Variants in DHRS12 observed in about 807,000 individuals in gnomAD.
The protein encoded by DHRS12 is dehydrogenase/reductase SDR family member 12.
In DHRS12, 29 loss-of-function variants were observed where a neutral mutation model predicts 32.1. The observed-to-expected ratio is 0.90, with a 90% CI of 0.67 to 1.23. DHRS12 has a LOEUF of 1.23. Ranked by LOEUF, DHRS12 falls within the 50% of genes most tolerant of loss-of-function variation. The pLI, the probability that DHRS12 is intolerant of heterozygous loss-of-function variation, is 0.00. For synonymous variants in DHRS12, 150 were observed against 135.9 expected, an observed-to-expected ratio of 1.10 and a Z score of -0.72; for missense variants, 330 against 337.2, an observed-to-expected ratio of 0.98 and a Z score of 0.17.
chr13:51,777,234 A>G, intron 4 of DHRS12, 113 bp from the exon 5 acceptor site: 1 of 1,148,152 alleles, frequency 8.7e-7, no homozygotes, highest in South Asian at 1.3e-5. Flanking sequence ...CAAGAGGGCA[A>G]GTGGCCACCT....
intron 6 of DHRS12, among the ~76,000 whole-genome samples, chr13:51,773,582 C>T (rs1040354671): frequency 6.6e-6 from 1 of 152,076 alleles, no homozygotes; most frequent in East Asian, 1.9e-4. Context: ...TCCGGGAAGC[C>T]AAGAGCCGCC....
intron 4 of DHRS12, among the ~76,000 whole-genome samples, chr13:51,780,259 G>A (rs1201830738): frequency 6.6e-6 from 1 of 152,164 alleles, no homozygotes; most frequent in Non-Finnish European, 1.5e-5. Context: ...TGGTTAATGG[G>A]TGCTTTTAGT....
chr13:51,758,715 A>G, the DHRS12 span, among the ~76,000 whole-genome samples: 1 of 152,192 alleles, frequency 6.6e-6, no homozygotes, highest in African/African-American at 2.4e-5. Context: ...GGACAGACTA[A>G]AAAGACTGTA....
intron 4 of DHRS12, among the ~76,000 whole-genome samples, chr13:51,787,868 AATATATAATT>A (rs1455230153): frequency 2.6e-5 from 3 of 114,284 alleles, no homozygotes; most frequent in African/African-American, 7.0e-5. Flanking sequence ...ATAATATATA[AATATATAATT>A]ATATATAATA....
At chr13:51,787,932 T>TAA (rs1955067742) in intron 4 of DHRS12, among the ~76,000 whole-genome samples, 2 of 16,702 alleles carry the variant, frequency 1.2e-4, no homozygotes, top group Admixed American at 4.6e-4. Context: ...AATATATACT[T>TAA]ATATATATAA....
At chr13:51,769,643 T>C (rs1440658308) in intron 7 of DHRS12, among the ~76,000 whole-genome samples, 3 of 152,278 alleles carry the variant, frequency 2.0e-5, no homozygotes, top group Admixed American at 6.5e-5. Context: ...ACAGTGAGGC[T>C]GGGCCCAGCA....
At position 51,789,900 on chromosome 13, in the gene DHRS12, A is replaced by G. The variant is rs1263013801; in HGVS notation, c.301+111T>C. 2.9e-6 allele frequency: 4 copies of G among 1,379,414 alleles called. No individual in the cohort carries two copies. The East Asian group carries it at 1.1e-4, about 38-fold the overall frequency. 85.4% of individuals were successfully genotyped at this position (1,379,414 alleles called of 1,614,324 possible). On this transcript the variant is annotated intron_variant, in intron 4 of 8. Coordinates refer to ENST00000444610, the MANE Select transcript of DHRS12 (RefSeq NM_001377533.1). ...TCAGAATAAACTTAAAGCAAACGTC[A>G]TCAGGCCCAGGACCAAGAACCAAAA...
At chr13:51,755,494 A>C in the DHRS12 span, 1 of 1,587,864 alleles carries the variant, frequency 6.3e-7, no homozygotes, top group Non-Finnish European at 8.6e-7. Flanking sequence ...AAATGTAATT[A>C]TATGGAAATA....
At chr13:51,775,886 T>G (rs1954327732) in intron 5 of DHRS12, 1 of 148,638 alleles carries the variant, frequency 6.7e-6, no homozygotes, top group Non-Finnish European at 1.5e-5. Flanking sequence ...CTCCTACATG[T>G]ATTCTACAGT....
chr13:51,766,055 A>G (rs1396991896), downstream of DHRS12: 2 of 152,216 alleles, frequency 1.3e-5, no homozygotes, highest in Non-Finnish European at 2.9e-5. Context: ...TGTTTCACAT[A>G]TACACTTTTT....
chr13:51,799,688 G>A, intron 1 of DHRS12, 21 bp from the exon 2 acceptor site: 3 of 1,612,122 alleles, frequency 1.9e-6, no homozygotes, highest in Non-Finnish European at 2.5e-6. Flanking sequence ...GAGACCCACA[G>A]GAAGACCAGC....
chr13:51,800,685 CT>C (rs1955713818), intron 1 of DHRS12, among the ~76,000 whole-genome samples: 1 of 152,276 alleles, frequency 6.6e-6, no homozygotes, highest in Non-Finnish European at 1.5e-5. Flanking sequence ...TACAGCACAA[CT>C]GCCAGTTACA....
At chr13:51,755,336 G>A in the DHRS12 span, 3 of 1,612,448 alleles carry the variant, frequency 1.9e-6, no homozygotes, top group African/African-American at 2.7e-5. Flanking sequence ...ACAGTGACCT[G>A]TTCTGTGCTT....
chr13:51,777,357 C>T (rs1452502963), intron 4 of DHRS12: 3 of 530,356 alleles, frequency 5.7e-6, no homozygotes, highest in African/African-American at 3.8e-5. Context: ...GTCCACACTA[C>T]AGGAATACAG....
intron 5 of DHRS12, chr13:51,775,852 C>CCTACATGTATT (rs1954322169): frequency 7.6e-6 from 1 of 132,448 alleles, no homozygotes; most frequent in African/African-American, 3.2e-5. Context: ...ACAGTATTCT[C>CCTACATGTATT]CTACAGTATT....
At chr13:51,792,552 A>G (rs1465470449) in intron 2 of DHRS12, among the ~76,000 whole-genome samples, 1 of 152,096 alleles carries the variant, frequency 6.6e-6, no homozygotes, top group East Asian at 1.9e-4. Flanking sequence ...GGTGCATGCC[A>G]CCATGCTCAG....
rs1204490303 is a variant in DHRS12 at position 51,775,961 on chromosome 13, TCTACAGTATTCTC to T, written c.363+1086_363+1098del. ...CTCTACAGTATTCTCCTACATGTAT[TCTACAGTATTCTC>T]CTACAGTATTCTCCTACATGTATTC... is the stretch of plus-strand genomic sequence containing the variant. On this transcript the variant is annotated intron_variant, in intron 5 of 8. Coordinates refer to ENST00000444610, the MANE Select transcript of DHRS12 (RefSeq NM_001377533.1). 243 of 105,366 alleles carry T rather than the reference TCTACAGTATTCTC, an allele frequency of 2.3e-3. 5 individuals are homozygous for T. Among genetic ancestry groups the T allele is most frequent in the African/African-American group, 5.2e-3 (104 of 19,986 alleles). The allele number at this position is 105,366 out of a possible 1,614,324, so 6.5% of individuals were successfully genotyped here.
At chr13:51,772,683 C>A (rs772233882) in intron 6 of DHRS12, 201 of 985,266 alleles carry the variant, frequency 2.0e-4, no homozygotes, top group Non-Finnish European at 2.3e-4. Context: ...TCCTTAAATC[C>A]TCCCCTTTCC....
chr13:51,756,408 TC>T, the DHRS12 span: 1 of 1,614,070 alleles, frequency 6.2e-7, no homozygotes, highest in South Asian at 1.1e-5. Flanking sequence ...CTGATGGGCT[TC>T]GAGTTTGAAG....
Sources: allele counts gnomAD v4.1 joint callset (sites outside exome capture counted in the v4.1 genomes callset), GRCh38; gene constraint gnomAD v4.1.1; transcripts MANE v1.5; gene names NCBI Gene and HGNC (gene_info 2026-07-23, HGNC 2026-07-21).